PDYN: variants seen among roughly 807,000 people sequenced by gnomAD.
PDYN encodes the protein proenkephalin-B.
A neutral mutation model predicts 11.4 loss-of-function variants in PDYN; 5 were observed. That is an observed-to-expected ratio of 0.44 (90% confidence interval 0.23 to 0.92). The LOEUF is 0.92. Among genes scored for constraint, PDYN ranks in the 40% least tolerant of loss-of-function variants. The probability of loss-of-function intolerance (pLI) is 0.24; values close to 1 mark genes in which losing one functional copy is unlikely to be tolerated. For synonymous variants in PDYN, 132 were observed against 129.5 expected (o/e 1.02, Z -0.13); for missense variants, 337 against 317.3 (o/e 1.06, Z -0.47).
At chr20:1,991,021 G>A (rs1348723099) in intron 2 of PDYN, among the ~76,000 whole-genome samples, 1 of 151,774 alleles carries the variant, frequency 6.6e-6, no homozygotes, top group Non-Finnish European at 1.5e-5. Context: ...GGGTGAGGAG[G>A]AGGGGAAGAA....
chr20:1,983,904 C>T (rs1158104472), intron 2 of PDYN, among the ~76,000 whole-genome samples: 1 of 152,218 alleles, frequency 6.6e-6, no homozygotes, highest in Non-Finnish European at 1.5e-5. Context: ...GCATCAGGCT[C>T]TGACCCACCC....
intron 2 of PDYN, among the ~76,000 whole-genome samples, chr20:1,984,922 A>G (rs779469392): frequency 3.9e-5 from 6 of 152,056 alleles, no homozygotes; most frequent in Non-Finnish European, 8.8e-5. Flanking sequence ...TGTCTGTTTC[A>G]TAGTCAGCGC....
intron 2 of PDYN, among the ~76,000 whole-genome samples, chr20:1,991,323 T>C (rs1162005988): frequency 6.6e-6 from 1 of 152,232 alleles, no homozygotes; most frequent in East Asian, 1.9e-4. Context: ...GGTGCATATG[T>C]CTGCGGCTTG....
At chr20:1,983,189 C>T in intron 2 of PDYN, 86 bp from the exon 3 acceptor site, 1 of 1,156,922 alleles carries the variant, frequency 8.6e-7, no homozygotes, top group African/African-American at 1.5e-5. Context: ...ATCTCTAACT[C>T]CTGCCCACAG....
intron 2 of PDYN, among the ~76,000 whole-genome samples, chr20:1,984,657 G>A (rs775009143): frequency 3.3e-5 from 5 of 152,186 alleles, no homozygotes; most frequent in Non-Finnish European, 7.3e-5. Flanking sequence ...CCAGCACTTT[G>A]AGAGGCTGAG....
At chr20:1,982,192 G>A (rs770887623) in intron 3 of PDYN, among the ~76,000 whole-genome samples, 40 of 151,946 alleles carry the variant, frequency 2.6e-4, no homozygotes, top group Non-Finnish European at 5.4e-4. Context: ...AGGAGGCAGA[G>A]GTCTCAGTGA....
At position 1,980,659 on chromosome 20, in the gene PDYN, A is replaced by G. The variant is rs755899971; in HGVS notation, c.429T>C (p.Ser143=). Residue 143 remains serine (S), a synonymous_variant, in exon 4 of 4, where the codon TCT becomes TCC. Coordinates refer to ENST00000217305, the MANE Select transcript of PDYN (RefSeq NM_024411.5). ...TCAGCTGGGCATCCCTCATCAGCTC[A>G]GACTCTGCTCCCTCCCTAAACCCGT... is the stretch of plus-strand genomic sequence containing the variant. ...LSDGFREGAE[S]ELMRDAQLND... is the part of the protein sequence containing the mutation. 2.5e-6 allele frequency: 4 copies of G among 1,614,200 alleles called. No individual in the cohort carries two copies. Among genetic ancestry groups the G allele is most frequent in the Non-Finnish European group, 3.4e-6 (4 of 1,180,032 alleles).
chr20:1,989,852 C>T (rs1348935257), intron 2 of PDYN, among the ~76,000 whole-genome samples: 1 of 152,202 alleles, frequency 6.6e-6, no homozygotes, highest in Admixed American at 6.5e-5. Context: ...CCTGCAATGA[C>T]AACCATCCTA....
intron 3 of PDYN, among the ~76,000 whole-genome samples, chr20:1,981,176 C>T (rs1431922993): frequency 6.6e-6 from 1 of 152,118 alleles, no homozygotes; most frequent in Non-Finnish European, 1.5e-5. Flanking sequence ...GGCTTTAGAC[C>T]CAGGACACAT....
At chr20:1,992,037 A>G (rs1057449778) in intron 2 of PDYN, among the ~76,000 whole-genome samples, 1 of 152,228 alleles carries the variant, frequency 6.6e-6, no homozygotes, top group Non-Finnish European at 1.5e-5. Flanking sequence ...ACTTCGGAAC[A>G]GTGAAAATCT....
Position 1,979,115 on chromosome 20 carries a change from T to C in PDYN, c.*1208A>G. ...ACCAAGACATCAGGAGGTCTCTGCC[T>C]CTGATTCAGGGTTATTTGAATCAAG... On this transcript the variant is annotated 3_prime_UTR_variant, in exon 4 of 4. Coordinates refer to ENST00000217305, the MANE Select transcript of PDYN (RefSeq NM_024411.5). The C allele has an allele frequency of 6.6e-6, 1 of 152,226 alleles. No individual in the cohort carries two copies. The highest frequency in any genetic ancestry group is 1.5e-5 in the Non-Finnish European group (1 of 68,042). The allele number at this position is 152,226 out of a possible 1,614,324, so 9.4% of individuals were successfully genotyped here.
chr20:1,980,632 G>T lies in PDYN; in HGVS notation c.456C>A (p.Asn152Lys), dbSNP rs148113209. ...ESELMRDAQL[N>K]DGAMETGTLY... ...GTGTGCCAGTCTCCATGGCACCATC[G>T]TTCAGCTGGGCATCCCTCATCAGCT... The change falls in exon 4 of 4, where the codon AAC (asparagine) becomes AAA (lysine). Residue 152 changes from asparagine (N) to lysine (K), a missense_variant. Asn to Lys is a moderately conservative substitution (Grantham distance 94). Transcript: ENST00000217305. 8 of 1,614,122 alleles carry T rather than the reference G, an allele frequency of 5.0e-6. No individual in the cohort carries two copies. Among genetic ancestry groups the T allele is most frequent in the Non-Finnish European group, 6.8e-6 (8 of 1,180,024 alleles).
At chr20:1,991,031 A>C (rs758621979) in intron 2 of PDYN, among the ~76,000 whole-genome samples, 1 of 151,850 alleles carries the variant, frequency 6.6e-6, no homozygotes, top group Non-Finnish European at 1.5e-5. Context: ...GAGGGGAAGA[A>C]GAGGGAAAAA....
chr20:1,980,172 C>T lies in PDYN; in HGVS notation c.*151G>A, dbSNP rs1022928578. 9.7e-6 allele frequency: 8 copies of T among 824,754 alleles called. No homozygotes were observed. Among genetic ancestry groups the T allele is most frequent in the Admixed American group, 1.8e-5 (1 of 54,086 alleles). 51.1% of individuals were successfully genotyped at this position (824,754 alleles called of 1,614,324 possible). ...ACCCCAGAGAAATAACATACTCCCA[C>T]GCAGAAGAGAGATAGGCTGGGCTTG... is the stretch of plus-strand genomic sequence containing the variant. On this transcript the variant is annotated 3_prime_UTR_variant, in exon 4 of 4. Coordinates refer to ENST00000217305, the MANE Select transcript of PDYN (RefSeq NM_024411.5).
At chr20:1,983,257 TA>T (rs1186188698) in intron 2 of PDYN, among the ~76,000 whole-genome samples, 154 bp from the exon 3 acceptor site, 1 of 151,938 alleles carries the variant, frequency 6.6e-6, no homozygotes. Flanking sequence ...CCCAGGGAGG[TA>T]AAGCAGAGGC....
intron 2 of PDYN, among the ~76,000 whole-genome samples, chr20:1,988,313 G>A (rs1311578332): frequency 6.6e-6 from 1 of 152,186 alleles, no homozygotes; most frequent in Non-Finnish European, 1.5e-5. Context: ...CGGGTTAAAA[G>A]GGGACCCTAG....
At position 1,980,151 on chromosome 20, in the gene PDYN, C is replaced by T. The variant is rs1987637664; in HGVS notation, c.*172G>A. The T allele has an allele frequency of 1.3e-6, 1 of 745,872 alleles. No individual in the cohort carries two copies. 46.2% of individuals were successfully genotyped at this position (745,872 alleles called of 1,614,324 possible). A position where few individuals can be genotyped will look rare whatever the true frequency, so the allele number is the denominator to read the frequency against. On this transcript the variant is annotated 3_prime_UTR_variant, in exon 4 of 4. Coordinates refer to ENST00000217305, the MANE Select transcript of PDYN (RefSeq NM_024411.5). ...ATCCACCCTTCCCCATCACAGACCC[C>T]AGAGAAATAACATACTCCCACGCAG...
At chr20:1,992,417 C>T (rs1486093166) in intron 2 of PDYN, among the ~76,000 whole-genome samples, 167 bp downstream of exon 2, 2 of 152,198 alleles carry the variant, frequency 1.3e-5, no homozygotes, top group South Asian at 2.1e-4. Context: ...AAATGTGCTG[C>T]CTTCCGCCAC....
Position 1,980,564 on chromosome 20 carries a change from T to A in PDYN, c.524A>T (p.Tyr175Phe). 6.2e-7 allele frequency: 1 copy of A among 1,614,080 alleles called. No individual in the cohort carries two copies. Among genetic ancestry groups the A allele is most frequent in the Non-Finnish European group, 8.5e-7 (1 of 1,180,026 alleles). Residue 175 changes from tyrosine to phenylalanine, a missense_variant, in exon 4 of 4, where the codon TAT becomes TTT. Tyr to Phe is a conservative substitution (Grantham distance 22, BLOSUM62 3). Coordinates refer to ENST00000217305, the MANE Select transcript of PDYN (RefSeq NM_024411.5). The stretch of plus-strand genomic sequence containing the variant: ...GGGGTATTTGCGCAAAAAGCCCCCA[T>A]AGCGTTTGACCTGCTCCTTGGGGTC... ...EEDPKEQVKRYGGFLRKYPKR... is the reference protein window; with the variant it reads ...EEDPKEQVKRFGGFLRKYPKR...
Sources: gnomAD v4.1 joint callset for allele counts (sites outside exome capture counted in the v4.1 genomes callset) on GRCh38, gnomAD v4.1.1 for gene constraint, MANE v1.5 for transcripts, NCBI Gene and HGNC (gene_info 2026-07-23, HGNC 2026-07-21) for gene names.